Variants in ARID1B observed in about 807,000 individuals in gnomAD.
The protein encoded by ARID1B is AT-rich interaction domain 1B.
ARID1B carries 30 observed loss-of-function variants against 212.3 expected under a neutral mutation model. That is an observed-to-expected ratio of 0.14 (90% CI 0.11 to 0.19). ARID1B has a LOEUF of 0.19. ARID1B is among the 10% of genes least tolerant of loss of function. The pLI, the probability that ARID1B is intolerant of heterozygous loss-of-function variation, is 1.00. For missense variants in ARID1B, 2,891 were observed against 3,204.0 expected, an observed-to-expected ratio of 0.90 and a Z score of 2.36; for synonymous variants, 1,402 against 1,301.7, an observed-to-expected ratio of 1.08 and a Z score of -1.66.
chr6:157,148,765 G>A lies in ARID1B; in HGVS notation c.2903G>A (p.Arg968Gln), dbSNP rs988746594. 1 of 1,613,128 alleles carries A rather than the reference G, an allele frequency of 6.2e-7. No individual in the cohort carries two copies. Among genetic ancestry groups the A allele is most frequent in the Non-Finnish European group, 8.5e-7 (1 of 1,179,962 alleles). ...SQPCGAVPLGRMPSAGMQNRP... is the reference protein window; with the variant it reads ...SQPCGAVPLGQMPSAGMQNRP... ...CCATGTGGTGCTGTGCCCCTGGGAC[G>A]AATGCCATCAGCTGGGATGCAGAAC... Residue 968 changes from arginine (R) to glutamine (Q), a missense_variant, in exon 8 of 20, where the codon CGA (arginine) becomes CAA (glutamine). Around this residue, in one of 7 missense-constraint regions of ARID1B, gnomAD observed 1,643 missense variants for 1,544.0 expected, o/e 1.06. Transcript: ENST00000636930. This position sits in a 1 kb window ranked among gnomAD's most constrained non-coding sequence, Gnocchi z 5.6.
chr6:156,889,801 G>A (rs1164685277), intron 2 of ARID1B, among the ~76,000 whole-genome samples: 1 of 152,160 alleles, frequency 6.6e-6, no homozygotes, highest in Non-Finnish European at 1.5e-5. Context: ...TAGTTGGCAA[G>A]GAATTTTTGA....
chr6:157,178,455 A>C (rs1022522170), intron 11 of ARID1B, among the ~76,000 whole-genome samples: 7 of 152,140 alleles, frequency 4.6e-5, no homozygotes, highest in Non-Finnish European at 1.0e-4. Flanking sequence ...GCTGCAAAGG[A>C]AAAGTAAAGC....
chr6:156,835,302 G>A (rs1583130606), intron 2 of ARID1B, among the ~76,000 whole-genome samples: 1 of 151,370 alleles, frequency 6.6e-6, no homozygotes, highest in African/African-American at 2.4e-5. Context: ...ATACCTAACT[G>A]GTTTTGTGTA....
At position 157,167,163 on chromosome 6, in the gene ARID1B, C is replaced by A. The variant is rs765720893; in HGVS notation, c.3213C>A (p.Pro1071=). The stretch of plus-strand genomic sequence containing the variant: ...AGGCGCCGCCCTACAGCATGGCGCC[C>A]GCCATGGTGAACAGCTCGGCAGGTA... ...NTQAPPYSMA[P]AMVNSSAASV... The change falls in exon 9 of 20, where the codon CCC becomes CCA. Residue 1071 remains proline (P), a synonymous_variant. Transcript: ENST00000636930. 1 of 1,608,832 alleles carries A rather than the reference C, an allele frequency of 6.2e-7. No homozygotes were observed. The highest frequency in any genetic ancestry group is 8.5e-7 in the Non-Finnish European group (1 of 1,179,876).
rs565854900 is a variant in ARID1B, at chr6:157,209,994, A to G, written c.*2103A>G. 1 of 233,110 alleles carries G rather than the reference A, an allele frequency of 4.3e-6. No homozygotes were observed. Among genetic ancestry groups the G allele is most frequent in the South Asian group, 1.8e-4 (1 of 5,518 alleles). 14.4% of individuals were successfully genotyped at this position (233,110 alleles called of 1,614,324 possible). A position where few individuals can be genotyped will look rare whatever the true frequency, so the allele number is the denominator to read the frequency against. ...TCAGAATCCCCAGCCCCTCGCATAC[A>G]TTGTGTCGGTTCACATTACTCACAG... On this transcript the variant is annotated 3_prime_UTR_variant, in exon 20 of 20. Coordinates refer to ENST00000636930, the MANE Select transcript of ARID1B (RefSeq NM_001374828.1).
Position 157,207,972 on chromosome 6 carries a change from G to A in ARID1B, c.*81G>A, listed in dbSNP as rs1451317807. ...GCTGTTTTCTGTTCTTGTTTATCCA[G>A]CGTAGGAAGAAGGAAAAGAAAATCT... On this transcript the variant is annotated 3_prime_UTR_variant, in exon 20 of 20. Coordinates refer to ENST00000636930, the MANE Select transcript of ARID1B (RefSeq NM_001374828.1). The surrounding 1 kb of genome is among the most constrained non-coding windows in gnomAD (Gnocchi z 8.5). 1.5e-6 allele frequency: 2 copies of A among 1,364,704 alleles called. No homozygotes were observed. Among genetic ancestry groups the A allele is most frequent in the Non-Finnish European group, 1.9e-6 (2 of 1,051,326 alleles). 84.5% of individuals were successfully genotyped at this position (1,364,704 alleles called of 1,614,324 possible).
chr6:157,201,081 C>A lies in ARID1B; in HGVS notation c.4856C>A (p.Thr1619Lys). 3.1e-6 allele frequency: 5 copies of A among 1,614,188 alleles called. No individual in the cohort carries two copies. The highest frequency in any genetic ancestry group is 4.2e-6 in the Non-Finnish European group (5 of 1,180,020). The change falls in exon 18 of 20, where the codon ACA becomes AAA. Residue 1619 changes from threonine (T) to lysine (K), a missense_variant. Physicochemically the swap from Thr to Lys is moderately conservative, Grantham distance 78. This residue lies in a region of ARID1B where 666 missense variants were observed against 873.5 expected (regional missense o/e 0.76). Transcript: ENST00000636930. The surrounding 1 kb of genome is among the most constrained non-coding windows in gnomAD (Gnocchi z 5.2). ...CCCCCTTACCCAGGCATGAACCGCA[C>A]AGACGATATGATGGTACCCGATCAG... ...QAPPYPGMNR[T>K]DDMMVPDQRI...
At chr6:157,067,732 A>T (rs909261010) in intron 4 of ARID1B, among the ~76,000 whole-genome samples, 1 of 152,036 alleles carries the variant, frequency 6.6e-6, no homozygotes, top group South Asian at 2.1e-4. Context: ...TATAATATGC[A>T]CTCGTTCTGC....
rs1794461771 is a variant in ARID1B at position 157,206,469 on chromosome 6, G to A, written c.5697G>A (p.Glu1899=). The change falls in exon 20 of 20, where the codon GAG becomes GAA. Residue 1899 remains glutamate (E), a synonymous_variant. Coordinates refer to ENST00000636930, the MANE Select transcript of ARID1B (RefSeq NM_001374828.1). This position sits in a 1 kb window ranked among gnomAD's most constrained non-coding sequence, Gnocchi z 6.8. ...TAPDAAADPK[E]KPKQASKFDK... ...CGGACGCCGCTGCAGACCCAAAGGA[G>A]AAGCCCAAGCAAGCCAGTAAGTTCG... 31 of 1,614,052 alleles carry A rather than the reference G, an allele frequency of 1.9e-5. No individual in the cohort carries two copies. The highest frequency in any genetic ancestry group is 2.6e-5 in the Non-Finnish European group (31 of 1,180,036).
Position 156,924,251 on chromosome 6 carries a change from T to C in ARID1B, c.2137-11215T>C, listed in dbSNP as rs906891891. On this transcript the variant is annotated intron_variant, in intron 3 of 19. Coordinates refer to ENST00000636930, the MANE Select transcript of ARID1B (RefSeq NM_001374828.1). ...GGATAGTACTGAACTCTGTGCATAC[T>C]ATGCACAAATTTCTTTTTCCTTTAC... Among the ~76,000 whole-genome samples the C allele has an allele frequency of 4.6e-5, 7 of 152,364 alleles. No homozygotes were observed. In the South Asian group the frequency reaches 8.3e-4, roughly 18 times the overall value.
At chr6:157,140,921 T>G (rs367600915) in intron 7 of ARID1B, 22 of 362,784 alleles carry the variant, frequency 6.1e-5, no homozygotes, top group African/African-American at 4.2e-4. Flanking sequence ...GTTCTTGATT[T>G]CTTTACTTGC....
intron 3 of ARID1B, among the ~76,000 whole-genome samples, chr6:156,924,679 G>A (rs952115910): frequency 2.6e-5 from 4 of 152,216 alleles, no homozygotes; most frequent in Non-Finnish European, 4.4e-5. Context: ...CAGCGAAACC[G>A]TGGGTAAGGG....
intron 1 of ARID1B, among the ~76,000 whole-genome samples, chr6:156,808,948 C>G (rs1781373120): frequency 6.6e-6 from 1 of 152,146 alleles, no homozygotes; most frequent in African/African-American, 2.4e-5. Context: ...CTGTGTGACT[C>G]TAATTAAAGT....
intron 4 of ARID1B, among the ~76,000 whole-genome samples, chr6:156,956,228 G>A (rs1480401369): frequency 1.3e-5 from 2 of 152,018 alleles, no homozygotes; most frequent in African/African-American, 4.8e-5. Context: ...TGAGTCCCAG[G>A]TACTTTTGTG....
rs769769342 is a variant in ARID1B at position 157,196,199 on chromosome 6, A to C, written c.4266A>C (p.Gly1422=). ...PGSSEPFMTQ[G]QMPNSSMQDM... ...GCAGCGAGCCCTTTATGACGCAAGG[A>C]CAGATGCCCAACAGCAGCATGCAGG... is the stretch of plus-strand genomic sequence containing the variant. The change falls in exon 16 of 20, where the codon GGA becomes GGC. Residue 1422 remains glycine, a synonymous_variant. Transcript: ENST00000636930. The C allele has an allele frequency of 8.1e-6, 13 of 1,613,628 alleles. No individual in the cohort carries two copies. Among genetic ancestry groups the C allele is most frequent in the Non-Finnish European group, 1.1e-5 (13 of 1,179,900 alleles).
chr6:157,008,854 G>A (rs768907359), intron 4 of ARID1B, among the ~76,000 whole-genome samples: 2 of 152,080 alleles, frequency 1.3e-5, no homozygotes, highest in African/African-American at 4.8e-5. Context: ...TGGTGGTGCT[G>A]GGAGCTGGCA....
chr6:157,010,950 A>G (rs550304686), intron 4 of ARID1B, among the ~76,000 whole-genome samples: 1 of 152,238 alleles, frequency 6.6e-6, no homozygotes, highest in African/African-American at 2.4e-5. Context: ...GACATGAGTC[A>G]TGCAGTTAAC....
Position 156,778,274 on chromosome 6 carries a change from G to GCAGCAGCAGCAGCAGCAA in ARID1B, c.612_629dup (p.Gln209_Gln214dup), listed in dbSNP as rs768349133. The GCAGCAGCAGCAGCAGCAA allele has an allele frequency of 1.7e-5, 26 of 1,540,048 alleles. No individual in the cohort carries two copies. Among genetic ancestry groups the GCAGCAGCAGCAGCAGCAA allele is most frequent in the African/African-American group, 6.9e-5 (5 of 72,620 alleles). On this transcript the variant is annotated inframe_insertion, in exon 1 of 20. Transcript: ENST00000636930. ...AGCAGCAGCTAAACCAGTTCCAGCA[G>GCAGCAGCAGCAGCAGCAA]CAGCAGCAGCAGCAGCAACAGCAGC...
At chr6:156,943,978 A>G (rs1368981181) in intron 4 of ARID1B, 1 of 152,206 alleles carries the variant, frequency 6.6e-6, no homozygotes, top group Non-Finnish European at 1.5e-5. Flanking sequence ...TCTAATCGCC[A>G]CACTGAATGC....
Sources: gnomAD v4.1 joint callset for allele counts (sites outside exome capture counted in the v4.1 genomes callset) on GRCh38, gnomAD v4.1.1 for gene constraint, gnomAD v4.1.1 regional missense constraint, Gnocchi (gnomAD v3.1) non-coding constraint, MANE v1.5 for transcripts, NCBI Gene and HGNC (gene_info 2026-07-23, HGNC 2026-07-21) for gene names.